The following FSTL5 variants were observed in gnomAD, a reference collection of about 807,000 sequenced individuals.
FSTL5 encodes follistatin like 5, also known as follistatin-related protein 5.
Under a neutral mutation model 89.1 loss-of-function variants are expected in FSTL5, and 62 were observed. That is an observed-to-expected ratio of 0.70 (90% confidence interval 0.57 to 0.86). The LOEUF (loss-of-function observed/expected upper bound fraction) is 0.86. FSTL5 is among the 40% of genes least tolerant of loss of function. FSTL5 has a pLI of 0.00. For synonymous variants in FSTL5, 383 were observed against 346.2 expected, an observed-to-expected ratio of 1.11 and a Z score of -1.18; for missense variants, 1,057 against 1,001.6, an observed-to-expected ratio of 1.06 and a Z score of -0.75.
At chr4:162,037,199 A>G (rs1737774310) in intron 2 of FSTL5, among the ~76,000 whole-genome samples, 1 of 151,904 alleles carries the variant, frequency 6.6e-6, no homozygotes, top group African/African-American at 2.4e-5. Context: ...ATAGAATATA[A>G]TTGGGGGCAA....
At chr4:161,430,020 C>T (rs1732299225) in intron 15 of FSTL5, among the ~76,000 whole-genome samples, 1 of 152,008 alleles carries the variant, frequency 6.6e-6, no homozygotes, top group Admixed American at 6.6e-5. Flanking sequence ...AGAATCCTAT[C>T]AGGTAAATTT....
At chr4:161,464,603 A>C (rs975222350) in intron 13 of FSTL5, among the ~76,000 whole-genome samples, 1 of 152,126 alleles carries the variant, frequency 6.6e-6, no homozygotes, top group African/African-American at 2.4e-5. Flanking sequence ...ATGCTCCCAG[A>C]AGTTAAGCTT....
chr4:161,896,268 A>G (rs1334423743), intron 4 of FSTL5, among the ~76,000 whole-genome samples: 1 of 152,332 alleles, frequency 6.6e-6, no homozygotes, highest in African/African-American at 2.4e-5. Flanking sequence ...TAAATGAAAC[A>G]CATGAAATAG....
chr4:161,709,975 T>C (rs1311019082), intron 6 of FSTL5, among the ~76,000 whole-genome samples: 6 of 152,108 alleles, frequency 3.9e-5, no homozygotes, highest in African/African-American at 1.4e-4. Flanking sequence ...TTTCTGGTGG[T>C]AGTTGTTTTT....
intron 15 of FSTL5, among the ~76,000 whole-genome samples, chr4:161,405,798 G>A (rs77204993): frequency 0.11 from 16,600 of 152,076 alleles, 1,045 homozygotes; most frequent in South Asian, 0.2. Context: ...CACAAAGGAA[G>A]CGACTCATCA....
chr4:161,638,666 GA>G (rs566020759), intron 7 of FSTL5, among the ~76,000 whole-genome samples: 453 of 137,740 alleles, frequency 3.3e-3, no homozygotes, highest in African/African-American at 0.012. Flanking sequence ...GCATCATTCT[GA>G]TACCAAAGCC....
intron 2 of FSTL5, among the ~76,000 whole-genome samples, chr4:162,042,634 A>G (rs1578978902): frequency 6.6e-6 from 1 of 152,068 alleles, no homozygotes; most frequent in African/African-American, 2.4e-5. Context: ...ATTATATAAT[A>G]TACTTTTAAA....
At chr4:161,775,836 G>T in intron 5 of FSTL5, 42 bp downstream of exon 5, 1 of 966,150 alleles carries the variant, frequency 1.0e-6, no homozygotes, top group Non-Finnish European at 1.5e-6. Flanking sequence ...TATTGTGCAT[G>T]CTATATTTCA....
At chr4:161,819,305 A>G (rs1333540338) in intron 4 of FSTL5, among the ~76,000 whole-genome samples, 1 of 152,176 alleles carries the variant, frequency 6.6e-6, no homozygotes, top group Non-Finnish European at 1.5e-5. Context: ...AATAAGCAAT[A>G]GTTTTTTTTG....
chr4:161,556,170 G>A (rs1385856173), intron 8 of FSTL5, among the ~76,000 whole-genome samples: 1 of 151,390 alleles, frequency 6.6e-6, no homozygotes, highest in East Asian at 1.9e-4. Flanking sequence ...ACTCACATTT[G>A]CACCTCAATA....
At chr4:161,536,534 T>C (rs532263018) in intron 10 of FSTL5, among the ~76,000 whole-genome samples, 9 of 152,314 alleles carry the variant, frequency 5.9e-5, no homozygotes, top group African/African-American at 2.2e-4. Flanking sequence ...TGTTTATACT[T>C]TTCCGTAGTT....
chr4:161,835,453 G>A (rs1394058526), intron 4 of FSTL5, among the ~76,000 whole-genome samples: 1 of 152,016 alleles, frequency 6.6e-6, no homozygotes, highest in Non-Finnish European at 1.5e-5. Context: ...ATTGACAAAT[G>A]GGATCTAATT....
chr4:162,138,812 C>G (rs1036219822), intron 1 of FSTL5, among the ~76,000 whole-genome samples: 1 of 151,850 alleles, frequency 6.6e-6, no homozygotes, highest in East Asian at 1.9e-4. Flanking sequence ...AACACAAAAT[C>G]GAAAATCTTT....
At chr4:161,896,555 A>G (rs1250866262) in intron 4 of FSTL5, among the ~76,000 whole-genome samples, 2 of 152,156 alleles carry the variant, frequency 1.3e-5, no homozygotes, top group Non-Finnish European at 2.9e-5. Context: ...TTTATATACT[A>G]TTCCTCCATA....
chr4:161,631,217 GT>G (rs1735495845), intron 7 of FSTL5, among the ~76,000 whole-genome samples: 1 of 152,144 alleles, frequency 6.6e-6, no homozygotes, highest in Non-Finnish European at 1.5e-5. Context: ...TAAAATTAGA[GT>G]TTTCTCATAT....
chr4:162,046,108 T>G (rs1738165484), intron 2 of FSTL5, among the ~76,000 whole-genome samples: 1 of 152,188 alleles, frequency 6.6e-6, no homozygotes, highest in Non-Finnish European at 1.5e-5. Context: ...ATTGACACAC[T>G]AAATAACCAC....
At chr4:161,752,266 TA>T (rs1309544166) in intron 6 of FSTL5, among the ~76,000 whole-genome samples, 1 of 151,658 alleles carries the variant, frequency 6.6e-6, no homozygotes, top group Non-Finnish European at 1.5e-5. Context: ...GATAGATAGA[TA>T]GATAGATGGA....
At chr4:161,944,137 G>T (rs999011233) in intron 3 of FSTL5, among the ~76,000 whole-genome samples, 2 of 152,068 alleles carry the variant, frequency 1.3e-5, no homozygotes, top group Non-Finnish European at 2.9e-5. Context: ...GAGTTATCTA[G>T]CTTCAGCTTG....
chr4:161,624,358 T>C (rs549592029), intron 7 of FSTL5, among the ~76,000 whole-genome samples: 1 of 152,156 alleles, frequency 6.6e-6, no homozygotes, highest in Admixed American at 6.6e-5. Context: ...TATGTATCCA[T>C]AGATAATAAT....
Sources: gnomAD v4.1 joint callset for allele counts (sites outside exome capture counted in the v4.1 genomes callset) on GRCh38, gnomAD v4.1.1 for gene constraint, MANE v1.5 for transcripts, NCBI Gene and HGNC (gene_info 2026-07-23, HGNC 2026-07-21) for gene names.